MYOF: variants seen among roughly 807,000 people sequenced by gnomAD.
The protein encoded by MYOF is myoferlin.
A neutral mutation model predicts 284.2 loss-of-function variants in MYOF; 244 were observed. The observed-to-expected ratio is 0.86, with a 90% confidence interval of 0.77 to 0.95. The LOEUF is 0.95. Among genes scored for constraint, MYOF ranks in the 40% least tolerant of loss-of-function variants. MYOF has a pLI of 0.00. For synonymous variants in MYOF, 904 were observed against 919.7 expected (o/e 0.98, Z 0.31); for missense variants, 2,496 against 2,560.6 (o/e 0.97, Z 0.54).
chr10:93,401,682 T>G (rs1847299933), intron 11 of MYOF, 138 bp from the exon 12 acceptor site: 1 of 1,114,386 alleles, frequency 9.0e-7, no homozygotes, highest in Non-Finnish European at 1.3e-6. Context: ...GAGTTCAGCC[T>G]GCCATCAGCC....
chr10:93,406,973 T>C (rs1847625807), intron 7 of MYOF, among the ~76,000 whole-genome samples: 2 of 152,010 alleles, frequency 1.3e-5, no homozygotes, highest in Non-Finnish European at 2.9e-5. Context: ...CAGAAATGTG[T>C]CTCCTCAGCA....
intron 1 of MYOF, among the ~76,000 whole-genome samples, chr10:93,478,669 A>T (rs1303143541): frequency 2.6e-5 from 2 of 75,944 alleles, no homozygotes; most frequent in Admixed American, 1.4e-4. Context: ...TGTCTCTACA[A>T]AAAAAATTAA....
intron 22 of MYOF, among the ~76,000 whole-genome samples, chr10:93,376,129 A>T (rs1178935009): frequency 6.6e-6 from 1 of 152,254 alleles, no homozygotes; most frequent in African/African-American, 2.4e-5. Flanking sequence ...TCATATCAGA[A>T]GTATAAATAG....
At chr10:93,395,245 C>A (rs1303521602) in intron 16 of MYOF, among the ~76,000 whole-genome samples, 2 of 152,154 alleles carry the variant, frequency 1.3e-5, no homozygotes, top group African/African-American at 4.8e-5. Flanking sequence ...GAGATGGAGA[C>A]CATCCTGGCC....
chr10:93,399,419 A>G lies in MYOF; in HGVS notation c.1194T>C (p.Phe398=). Residue 398 remains phenylalanine, a synonymous_variant, in exon 13 of 54, where the codon TTT becomes TTC. Coordinates refer to ENST00000359263, the MANE Select transcript of MYOF (RefSeq NM_013451.4). ...TTTTTCCAGCAAAGGAAACTTCTAC[A>G]AAAGGATCCACGAGATTTTTCTTAT... ...NADKKNLVDP[F]VEVSFAGKKV... is the part of the protein sequence containing the mutation. The G allele has an allele frequency of 6.2e-7, 1 of 1,613,630 alleles. No individual in the cohort carries two copies. The highest frequency in any genetic ancestry group is 8.5e-7 in the Non-Finnish European group (1 of 1,179,710).
intron 16 of MYOF, among the ~76,000 whole-genome samples, chr10:93,393,452 T>G (rs965667357): frequency 1.3e-5 from 2 of 152,184 alleles, no homozygotes; most frequent in African/African-American, 4.8e-5. Flanking sequence ...TTTAAGGCCC[T>G]GTAACCCCAT....
At chr10:93,321,037 G>A (rs1842821305) in intron 48 of MYOF, among the ~76,000 whole-genome samples, 1 of 152,122 alleles carries the variant, frequency 6.6e-6, no homozygotes, top group Non-Finnish European at 1.5e-5. Flanking sequence ...GGGAATGGAG[G>A]TACCTTTAAC....
At chr10:93,308,273 T>C (rs1158218319) in intron 53 of MYOF, among the ~76,000 whole-genome samples, 1 of 149,290 alleles carries the variant, frequency 6.7e-6, no homozygotes, top group Admixed American at 6.7e-5. Context: ...AAAATAGAAG[T>C]TTTTTAAATG....
At chr10:93,397,094 AT>A (rs1847051900) in intron 15 of MYOF, 152 bp downstream of exon 15, 1 of 598,286 alleles carries the variant, frequency 1.7e-6, no homozygotes, top group East Asian at 3.0e-5. Flanking sequence ...CTATTATTAA[AT>A]TTTGTTTTAA....
At chr10:93,375,592 C>G (rs1845801978) in intron 22 of MYOF, among the ~76,000 whole-genome samples, 1 of 152,210 alleles carries the variant, frequency 6.6e-6, no homozygotes, top group Admixed American at 6.5e-5. Context: ...CTCCTATTTT[C>G]AAATGTGGGA....
chr10:93,467,166 A>T (rs907894254), intron 1 of MYOF, among the ~76,000 whole-genome samples: 5 of 151,664 alleles, frequency 3.3e-5, no homozygotes, highest in Non-Finnish European at 5.9e-5. Context: ...CTTTTTTTTT[A>T]AATTTTATTA....
chr10:93,408,096 A>G (rs1296983973), intron 7 of MYOF, among the ~76,000 whole-genome samples: 1 of 152,038 alleles, frequency 6.6e-6, no homozygotes, highest in African/African-American at 2.4e-5. Context: ...CTGGTCTTGA[A>G]AATCTGGGCT....
intron 40 of MYOF, 38 bp from the exon 41 acceptor site, chr10:93,336,084 A>G (rs765046452): frequency 6.2e-7 from 1 of 1,603,542 alleles, no homozygotes; most frequent in South Asian, 1.1e-5. Context: ...TCTCATTAAA[A>G]TGCAGGTAAG....
chr10:93,320,166 G>A (rs1463815049), intron 48 of MYOF, among the ~76,000 whole-genome samples, 153 bp from the exon 49 acceptor site: 1 of 152,188 alleles, frequency 6.6e-6, no homozygotes, highest in Non-Finnish European at 1.5e-5. Context: ...GGTGATTTAT[G>A]GAGGGGAGGT....
intron 27 of MYOF, among the ~76,000 whole-genome samples, chr10:93,363,358 T>C (rs1206821283): frequency 6.6e-6 from 1 of 152,164 alleles, no homozygotes; most frequent in African/African-American, 2.4e-5. Flanking sequence ...ACAGAAACAT[T>C]TCATTTGTTA....
intron 1 of MYOF, among the ~76,000 whole-genome samples, chr10:93,470,935 T>G (rs2134385163): frequency 6.6e-6 from 1 of 152,220 alleles, no homozygotes; most frequent in South Asian, 2.1e-4. Context: ...GTCCTAGCAA[T>G]GAATTCAGTC....
At chr10:93,396,091 T>G in intron 16 of MYOF, 51 bp downstream of exon 16, 1 of 1,431,854 alleles carries the variant, frequency 7.0e-7, no homozygotes, top group Non-Finnish European at 9.6e-7. Context: ...TTTCTCAGAC[T>G]GGAGAAAAGT....
chr10:93,447,994 A>C (rs2056481800), intron 3 of MYOF, among the ~76,000 whole-genome samples: 1 of 152,196 alleles, frequency 6.6e-6, no homozygotes, highest in South Asian at 2.1e-4. Flanking sequence ...ACGGATTCTC[A>C]TTCCACTTAG....
chr10:93,436,487 A>ATTT (rs5787059), intron 3 of MYOF, among the ~76,000 whole-genome samples: 3 of 152,006 alleles, frequency 2.0e-5, no homozygotes, highest in African/African-American at 7.2e-5. Flanking sequence ...TTTATTTATT[A>ATTT]TTTTTTCTGA....
Sources: gnomAD v4.1 joint callset for allele counts (sites outside exome capture counted in the v4.1 genomes callset) on GRCh38, gnomAD v4.1.1 for gene constraint, MANE v1.5 for transcripts, NCBI Gene and HGNC (gene_info 2026-07-23, HGNC 2026-07-21) for gene names.